The following ANO10 variants were observed in gnomAD, a reference collection of about 807,000 sequenced individuals.
ANO10 encodes the protein anoctamin-10.
ANO10 carries 77 observed loss-of-function variants against 74.7 expected under a neutral mutation model. That is an observed-to-expected ratio of 1.03 (90% CI 0.86 to 1.25). The LOEUF (loss-of-function observed/expected upper bound fraction) is 1.25. Among genes scored for constraint, ANO10 ranks in the 50% most tolerant of loss-of-function variants. The pLI is 0.00. For missense variants in ANO10, 721 were observed against 778.1 expected, an observed-to-expected ratio of 0.93 and a Z score of 0.87; for synonymous variants, 279 against 284.9, an observed-to-expected ratio of 0.98 and a Z score of 0.21.
chr3:43,372,968 C>A, intron 12 of ANO10: 1 of 972,170 alleles, frequency 1.0e-6, no homozygotes, highest in Non-Finnish European at 1.5e-6. Context: ...TCATGTAACA[C>A]ATATTCAAGT....
chr3:43,472,384 A>C (rs1290360081), intron 11 of ANO10: 1 of 69,094 alleles, frequency 1.4e-5, no homozygotes, highest in Non-Finnish European at 3.6e-5. Flanking sequence ...TTTTTAAAAA[A>C]CCCTTAAAAT....
chr3:43,535,337 G>A (rs2078667090), intron 11 of ANO10, among the ~76,000 whole-genome samples: 1 of 145,128 alleles, frequency 6.9e-6, no homozygotes, highest in Non-Finnish European at 1.5e-5. Flanking sequence ...GTACAATGGT[G>A]CCATCTTGGC....
rs940890778 is a variant in ANO10, at chr3:43,474,214, G to GC, written c.1798-41488dup. Among the ~76,000 whole-genome samples the GC allele has an allele frequency of 2.6e-3, 289 of 112,112 alleles. 1 individual carries two copies. The highest frequency in any genetic ancestry group is 0.012 in the East Asian group (45 of 3,898). 73.5% of individuals were successfully genotyped at this position (112,112 alleles called of 152,430 possible). ...TTGCTGCAAGTTTCAGTACTTCCCCGCCCCCCCCAACCCCAATTTCTTCCT... is the reference window on the plus strand; with the variant it reads ...TTGCTGCAAGTTTCAGTACTTCCCCGCCCCCCCCCAACCCCAATTTCTTCCT... On this transcript the variant is annotated intron_variant, in intron 11 of 12. Coordinates refer to ENST00000292246, the MANE Select transcript of ANO10 (RefSeq NM_018075.5).
chr3:43,618,503 C>T (rs367923678), intron 1 of ANO10, among the ~76,000 whole-genome samples: 1 of 152,178 alleles, frequency 6.6e-6, no homozygotes, highest in African/African-American at 2.4e-5. Flanking sequence ...AGTAGAAATG[C>T]TCTAGAGGCT....
Position 43,617,144 on chromosome 3 carries a change from T to C in ANO10, c.-12+4765A>G, listed in dbSNP as rs1174694718. Among the ~76,000 whole-genome samples the C allele has an allele frequency of 4.0e-5, 6 of 148,722 alleles. No homozygotes were observed. The South Asian group carries it at 1.1e-3, about 27-fold the overall frequency. ...TTACCAGAGGGTCTTAATGGGAACT[T>C]GCTCTACCATTACCAAGCATACGAG... On this transcript the variant is annotated intron_variant, in intron 1 of 12. Transcript: ENST00000292246.
chr3:43,682,319 A>G (rs1470463118), intron 1 of ANO10, among the ~76,000 whole-genome samples: 2 of 152,256 alleles, frequency 1.3e-5, no homozygotes, highest in African/African-American at 4.8e-5. Context: ...CAAATAAACT[A>G]GAAAATCTAG....
chr3:43,678,111 C>T (rs893815347), intron 1 of ANO10, among the ~76,000 whole-genome samples: 1 of 152,186 alleles, frequency 6.6e-6, no homozygotes, highest in Non-Finnish European at 1.5e-5. Flanking sequence ...CATAGCTTAG[C>T]CTACCTTAAA....
In ANO10 at chr3:43,621,919, A is replaced by T. The variant is rs1025103261; in HGVS notation, c.-22T>A. The stretch of plus-strand genomic sequence containing the variant: ...CCCTCCCCGACTCACCAGCCGCCGC[A>T]GCGCTCCACGTCTTCGGAGGCGGGT... On this transcript the variant is annotated 5_prime_UTR_variant, in exon 1 of 13. Transcript: ENST00000292246. The T allele has an allele frequency of 6.6e-6, 1 of 152,520 alleles. No homozygotes were observed. The highest frequency in any genetic ancestry group is 1.5e-5 in the Non-Finnish European group (1 of 68,324). The allele number at this position is 152,520 out of a possible 1,614,324, so 9.4% of individuals were successfully genotyped here.
rs763368219 is a variant in ANO10, at chr3:43,394,421, AC to A, written c.1915-27448del. 4.6e-5 allele frequency among the ~76,000 whole-genome samples: 7 copies of A among 151,842 alleles called. No homozygotes were observed. The East Asian group carries it at 1.4e-3, about 30-fold the overall frequency. The stretch of plus-strand genomic sequence containing the variant: ...TTTTTCCCTTGTGTCAAATTCTCCC[AC>A]CCTCACCTCTTGACCCTAAGCCTCT... On this transcript the variant is annotated intron_variant, in intron 12 of 12. Coordinates refer to ENST00000292246, the MANE Select transcript of ANO10 (RefSeq NM_018075.5).
chr3:43,614,777 A>C (rs1427850309), intron 1 of ANO10, among the ~76,000 whole-genome samples: 2 of 120,972 alleles, frequency 1.7e-5, no homozygotes, highest in Non-Finnish European at 3.6e-5. Context: ...TAAACTATAT[A>C]TATATATATA....
intron 11 of ANO10, among the ~76,000 whole-genome samples, chr3:43,493,291 G>A (rs1163707486): frequency 6.6e-6 from 1 of 152,156 alleles, no homozygotes. Context: ...GGGGGGCTAG[G>A]GGAGGGAAAC....
chr3:43,564,441 AT>A (rs2080209818), intron 8 of ANO10, among the ~76,000 whole-genome samples: 1 of 152,156 alleles, frequency 6.6e-6, no homozygotes, highest in African/African-American at 2.4e-5. Context: ...GCCACCCATA[AT>A]TACACAACCA....
Position 43,577,001 on chromosome 3 carries a change from G to A in ANO10, c.853C>T (p.Arg285Trp), listed in dbSNP as rs767044966. 2.9e-5 allele frequency: 46 copies of A among 1,613,556 alleles called. No homozygotes were observed. In the East Asian group the frequency reaches 7.1e-4, roughly 25 times the overall value. The change falls in exon 6 of 13, where the codon CGG (arginine) becomes TGG (tryptophan). Residue 285 changes from arginine to tryptophan, a missense_variant. By Grantham distance (101) the Arg-to-Trp change is moderately radical. Transcript: ENST00000292246. ...LLMKRKFEEP[R>W]PGFHGVLGIN... ...CCCAAGACACCATGAAATCCTGGCCGGGGCTCCTCAAACTTTCTCTTCATG... is the reference window on the plus strand; with the variant it reads ...CCCAAGACACCATGAAATCCTGGCCAGGGCTCCTCAAACTTTCTCTTCATG...
At chr3:43,622,046 CGCG>C (rs1559794193), upstream of ANO10, 1 of 152,366 alleles carries the variant, frequency 6.6e-6, no homozygotes, top group East Asian at 1.9e-4. Flanking sequence ...GCGTGGCGGA[CGCG>C]GCGGGGCCTA....
chr3:43,567,633 TGA>T (rs1340616122), intron 7 of ANO10, among the ~76,000 whole-genome samples: 2 of 152,022 alleles, frequency 1.3e-5, no homozygotes, highest in Non-Finnish European at 2.9e-5. Flanking sequence ...AAGCAAATGC[TGA>T]GAGATTTTGT....
intron 12 of ANO10, among the ~76,000 whole-genome samples, chr3:43,425,288 T>A (rs2092882194): frequency 6.7e-6 from 1 of 150,006 alleles, no homozygotes; most frequent in Admixed American, 6.7e-5. Context: ...CTTGGTCTCC[T>A]AAAGTGCTAG....
chr3:43,384,000 G>A (rs1191981566), intron 12 of ANO10, among the ~76,000 whole-genome samples: 3 of 152,084 alleles, frequency 2.0e-5, no homozygotes, highest in South Asian at 2.1e-4. Context: ...CTGATGACAC[G>A]ATCATATACC....
At chr3:43,404,097 C>T (rs2092531934) in intron 12 of ANO10, among the ~76,000 whole-genome samples, 1 of 152,224 alleles carries the variant, frequency 6.6e-6, no homozygotes, top group Non-Finnish European at 1.5e-5. Flanking sequence ...TTTAAGTTAA[C>T]CAAAAAGGAG....
At chr3:43,410,211 T>C (rs2092642986) in intron 12 of ANO10, among the ~76,000 whole-genome samples, 1 of 152,118 alleles carries the variant, frequency 6.6e-6, no homozygotes, top group African/African-American at 2.4e-5. Flanking sequence ...TGTATTTTAC[T>C]AAGAAGTTGT....
Sources: gnomAD v4.1 joint callset for allele counts (sites outside exome capture counted in the v4.1 genomes callset) on GRCh38, gnomAD v4.1.1 for gene constraint, MANE v1.5 for transcripts, NCBI Gene and HGNC (gene_info 2026-07-23, HGNC 2026-07-21) for gene names.